The following SOX5 variants were observed in gnomAD, a reference collection of about 807,000 sequenced individuals.
The protein encoded by SOX5 is SRY-box transcription factor 5.
SOX5 carries 9 observed loss-of-function variants against 92.0 expected under a neutral mutation model. The observed-to-expected ratio is 0.10, with a 90% CI of 0.06 to 0.17. The LOEUF is 0.17. Among genes scored for constraint, SOX5 ranks in the 10% least tolerant of loss-of-function variants. The probability of loss-of-function intolerance (pLI) is 1.00; values close to 1 mark genes in which losing one functional copy is unlikely to be tolerated. For missense variants in SOX5, 642 were observed against 944.5 expected, an observed-to-expected ratio of 0.68 and a Z score of 4.20; for synonymous variants, 344 against 336.3, an observed-to-expected ratio of 1.02 and a Z score of -0.25.
At chr12:24,339,561 T>C (rs1418533476) in intron 2 of SOX5, among the ~76,000 whole-genome samples, 1 of 152,026 alleles carries the variant, frequency 6.6e-6, no homozygotes, top group African/African-American at 2.4e-5. Context: ...CATCGAAGAG[T>C]TCTGTAGAAG....
At chr12:23,664,039 T>C (rs1310773262) in intron 7 of SOX5, among the ~76,000 whole-genome samples, 3 of 152,090 alleles carry the variant, frequency 2.0e-5, no homozygotes, top group African/African-American at 7.2e-5. Context: ...ATATGTGAAT[T>C]TGTATAGTCT....
At chr12:23,599,251 A>G (rs1397396635) in intron 9 of SOX5, among the ~76,000 whole-genome samples, 4 of 152,242 alleles carry the variant, frequency 2.6e-5, no homozygotes, top group Non-Finnish European at 1.5e-5. Context: ...TTGAAGCAAC[A>G]TTATAAGGAT....
chr12:24,470,339 C>A (rs1944673710), intron 1 of SOX5, among the ~76,000 whole-genome samples: 1 of 152,028 alleles, frequency 6.6e-6, no homozygotes, highest in Non-Finnish European at 1.5e-5. Flanking sequence ...ACTGACACAT[C>A]CACAATAAGG....
At chr12:23,624,924 G>A (rs2077580993) in intron 8 of SOX5, among the ~76,000 whole-genome samples, 1 of 152,186 alleles carries the variant, frequency 6.6e-6, no homozygotes, top group Admixed American at 6.5e-5. Flanking sequence ...GAAGGAGTTA[G>A]AAAGTGGGAA....
At chr12:23,621,398 T>C (rs760514684) in intron 8 of SOX5, among the ~76,000 whole-genome samples, 6 of 152,156 alleles carry the variant, frequency 3.9e-5, no homozygotes, top group Admixed American at 6.6e-5. Flanking sequence ...TAACATTGTA[T>C]ATAATGCTAC....
At chr12:24,354,160 T>A (rs1954493273) in intron 2 of SOX5, among the ~76,000 whole-genome samples, 1 of 152,338 alleles carries the variant, frequency 6.6e-6, no homozygotes, top group South Asian at 2.1e-4. Flanking sequence ...ATACACCAGG[T>A]AGACCCAATC....
intron 3 of SOX5, among the ~76,000 whole-genome samples, chr12:23,823,109 A>G (rs538878137): frequency 1.3e-5 from 2 of 152,240 alleles, no homozygotes; most frequent in South Asian, 4.2e-4. Flanking sequence ...CATTTAGCCC[A>G]TTTACATTTA....
intron 4 of SOX5, among the ~76,000 whole-genome samples, chr12:24,039,998 T>C (rs538139956): frequency 6.6e-6 from 1 of 152,244 alleles, no homozygotes; most frequent in East Asian, 1.9e-4. Context: ...CTAAGTTGCT[T>C]AAAATTTAAT....
intron 2 of SOX5, among the ~76,000 whole-genome samples, chr12:24,352,047 T>C (rs1331028403): frequency 1.3e-5 from 2 of 152,218 alleles, no homozygotes; most frequent in Non-Finnish European, 2.9e-5. Flanking sequence ...ATGGTTTAAG[T>C]ATCTTGAAAG....
At chr12:24,536,422 A>G (rs948342212) in intron 1 of SOX5, among the ~76,000 whole-genome samples, 2 of 152,196 alleles carry the variant, frequency 1.3e-5, no homozygotes, top group African/African-American at 4.8e-5. Flanking sequence ...CTCCTTGCAA[A>G]GACTTGTAGG....
intron 1 of SOX5, among the ~76,000 whole-genome samples, chr12:24,399,464 A>G (rs1227585378): frequency 1.3e-5 from 2 of 152,256 alleles, no homozygotes; most frequent in Non-Finnish European, 2.9e-5. Context: ...ATTTCATGAA[A>G]AATATAAAAG....
In SOX5 at chr12:23,784,570, C is replaced by A. The variant is rs568145390; in HGVS notation, c.482-28846G>T. ...CTCGATCTCTTGACCTCGTGATCCGCCTGCCTTGGCCTCCCAAAGTGCTGG... is the reference window on the plus strand; with the variant it reads ...CTCGATCTCTTGACCTCGTGATCCGACTGCCTTGGCCTCCCAAAGTGCTGG... On this transcript the variant is annotated intron_variant, in intron 3 of 14. Transcript: ENST00000451604. 3.3e-5 allele frequency among the ~76,000 whole-genome samples: 5 copies of A among 152,290 alleles called. No homozygotes were observed. The East Asian group carries it at 7.7e-4, about 24-fold the overall frequency.
At chr12:23,569,025 C>CA (rs1287728703) in intron 10 of SOX5, among the ~76,000 whole-genome samples, 1 of 151,844 alleles carries the variant, frequency 6.6e-6, no homozygotes, top group Non-Finnish European at 1.5e-5. Flanking sequence ...CCCATCTCTA[C>CA]AAAAAAACAC....
At position 23,927,080 on chromosome 12, in the gene SOX5, A is replaced by T. The variant is rs1227735324; in HGVS notation, c.38+22484T>A. ...GAGAACCTAATTTTAAAAACTGGAC[A>T]TTCCTTGCTTTGTTTTTCCAAAAGG... is the stretch of plus-strand genomic sequence containing the variant. On this transcript the variant is annotated intron_variant, in intron 1 of 14. Coordinates refer to ENST00000451604, the MANE Select transcript of SOX5 (RefSeq NM_006940.6). Among the ~76,000 whole-genome samples, 4 of 152,256 alleles carry T rather than the reference A, an allele frequency of 2.6e-5. No homozygotes were observed. In the East Asian group the frequency reaches 7.7e-4, roughly 29 times the overall value.
chr12:23,851,002 A>C (rs947677911), intron 2 of SOX5, among the ~76,000 whole-genome samples: 9 of 152,162 alleles, frequency 5.9e-5, no homozygotes, highest in African/African-American at 2.2e-4. Context: ...ACCTGACCTA[A>C]ATATATACCT....
intron 1 of SOX5, among the ~76,000 whole-genome samples, chr12:24,392,026 G>A (rs1959044366): frequency 1.3e-5 from 2 of 151,910 alleles, no homozygotes; most frequent in South Asian, 4.1e-4. Context: ...TTTCAATACT[G>A]AAACTCAAAG....
intron 2 of SOX5, among the ~76,000 whole-genome samples, chr12:24,361,621 G>C (rs969847114): frequency 6.6e-6 from 1 of 151,724 alleles, no homozygotes; most frequent in Admixed American, 6.5e-5. Context: ...TTGTGTGTGT[G>C]TGTGTGTGTG....
At chr12:24,125,106 C>T (rs1948988437) in intron 4 of SOX5, among the ~76,000 whole-genome samples, 1 of 152,032 alleles carries the variant, frequency 6.6e-6, no homozygotes, top group South Asian at 2.1e-4. Context: ...ATATAAAAAC[C>T]CTTATTTTCA....
At chr12:23,951,021 T>G, upstream of SOX5, 1 of 670,024 alleles carries the variant, frequency 1.5e-6, no homozygotes, top group Non-Finnish European at 2.6e-6. Context: ...ACGCACGCTC[T>G]CCACTCCTAC....
Sources: gnomAD v4.1 joint callset for allele counts (sites outside exome capture counted in the v4.1 genomes callset) on GRCh38, gnomAD v4.1.1 for gene constraint, MANE v1.5 for transcripts, NCBI Gene and HGNC (gene_info 2026-07-23, HGNC 2026-07-21) for gene names.